Variants in CFAP95 observed in about 807,000 individuals in gnomAD.
CFAP95 encodes cilia and flagella associated protein 95, also known as cilia- and flagella-associated protein 95.
At chr9:69,820,943 G>C in the CFAP95 span, 6 of 1,613,862 alleles carry the variant, frequency 3.7e-6, no homozygotes, top group African/African-American at 1.3e-5. Flanking sequence ...GTTGGAGATC[G>C]GACCACCGGA....
the CFAP95 span, chr9:69,884,385 C>G: frequency 6.6e-6 from 1 of 152,234 alleles, no homozygotes; most frequent in Non-Finnish European, 1.5e-5. Context: ...TCCTCAGCTT[C>G]CTGAGTAGCT....
chr9:69,902,142 C>T, the CFAP95 span: 2 of 333,116 alleles, frequency 6.0e-6, no homozygotes, highest in Non-Finnish European at 1.2e-5. Flanking sequence ...CTATTCAGGT[C>T]AAAGGGACTT....
At chr9:69,865,851 A>G in the CFAP95 span, among the ~76,000 whole-genome samples, 2 of 152,200 alleles carry the variant, frequency 1.3e-5, no homozygotes, top group African/African-American at 4.8e-5. Flanking sequence ...CATGATGCTT[A>G]TTATGTACCA....
chr9:69,854,421 T>C, the CFAP95 span, among the ~76,000 whole-genome samples: 1 of 152,220 alleles, frequency 6.6e-6, no homozygotes, highest in African/African-American at 2.4e-5. Context: ...GAACCTAGTA[T>C]GATGCCTGGC....
chr9:69,840,745 A>G, the CFAP95 span, among the ~76,000 whole-genome samples: 1 of 152,296 alleles, frequency 6.6e-6, no homozygotes, highest in South Asian at 2.1e-4. Flanking sequence ...TTAAACATGT[A>G]TATTTCTCTC....
At chr9:69,826,255 C>T in the CFAP95 span, among the ~76,000 whole-genome samples, 1 of 152,128 alleles carries the variant, frequency 6.6e-6, no homozygotes, top group South Asian at 2.1e-4. Context: ...CAGAAGCACC[C>T]AGTTCCAAGA....
the CFAP95 span, among the ~76,000 whole-genome samples, chr9:69,857,094 G>A: frequency 1.3e-5 from 2 of 152,134 alleles, no homozygotes; most frequent in South Asian, 2.1e-4. Context: ...ACGAAATAAA[G>A]TATGAAGTGT....
At chr9:69,820,985 C>A in the CFAP95 span, 1 of 1,613,860 alleles carries the variant, frequency 6.2e-7, no homozygotes, top group African/African-American at 1.3e-5. Flanking sequence ...CCTGACCCTC[C>A]GCTCCCATCA....
At chr9:69,844,495 G>C in the CFAP95 span, 2 of 1,489,088 alleles carry the variant, frequency 1.3e-6, no homozygotes, top group Non-Finnish European at 1.8e-6. Flanking sequence ...ATCTCTTAAC[G>C]GACTCCTAAT....
the CFAP95 span, chr9:69,844,532 A>G: frequency 4.3e-5 from 69 of 1,598,780 alleles, no homozygotes; most frequent in Non-Finnish European, 5.0e-5. Context: ...GTGACAGAGA[A>G]GCTTTTCCCA....
chr9:69,885,338 AT>A, the CFAP95 span, among the ~76,000 whole-genome samples: 3 of 152,066 alleles, frequency 2.0e-5, no homozygotes, highest in Non-Finnish European at 4.4e-5. Context: ...TAAGAGAATA[AT>A]TTTTCCCCTA....
chr9:69,836,689 C>CA, the CFAP95 span, among the ~76,000 whole-genome samples: 2 of 126,876 alleles, frequency 1.6e-5, no homozygotes, highest in Non-Finnish European at 1.6e-5. Flanking sequence ...GCTTCAATTT[C>CA]TTTTTTTTTT....
chr9:69,902,242 A>G, the CFAP95 span: 1 of 424,630 alleles, frequency 2.4e-6, no homozygotes, highest in South Asian at 1.7e-5. Context: ...AATTCTCACA[A>G]TTCTCTTGAC....
the CFAP95 span, among the ~76,000 whole-genome samples, chr9:69,886,203 T>G: frequency 6.6e-6 from 1 of 152,136 alleles, no homozygotes; most frequent in Non-Finnish European, 1.5e-5. Flanking sequence ...CAAGTAACCC[T>G]TATTATACTT....
the CFAP95 span, among the ~76,000 whole-genome samples, chr9:69,849,212 A>G: frequency 2.0e-5 from 3 of 152,134 alleles, no homozygotes; most frequent in East Asian, 3.9e-4. Context: ...AGTTTGGTCT[A>G]TTTTGTTCCC....
chr9:69,823,018 G>C, the CFAP95 span, among the ~76,000 whole-genome samples: 2 of 152,138 alleles, frequency 1.3e-5, no homozygotes, highest in African/African-American at 4.8e-5. Flanking sequence ...AGCTGTATGA[G>C]TACATTTTCA....
the CFAP95 span, among the ~76,000 whole-genome samples, chr9:69,894,904 A>T: frequency 6.6e-6 from 1 of 152,074 alleles, no homozygotes; most frequent in African/African-American, 2.4e-5. Flanking sequence ...TCTACTAAAC[A>T]TACAAAAGAT....
chr9:69,843,549 CTCCTCCTCCTTCT>C, the CFAP95 span, among the ~76,000 whole-genome samples: 13 of 23,498 alleles, frequency 5.5e-4, no homozygotes, highest in South Asian at 3.3e-3. Flanking sequence ...CCTCCTCCTC[CTCCTCCTCCTTCT>C]TCTTCTTCTT....
chr9:69,897,827 G>T, the CFAP95 span, among the ~76,000 whole-genome samples: 1 of 151,694 alleles, frequency 6.6e-6, no homozygotes, highest in Non-Finnish European at 1.5e-5. Flanking sequence ...CATGAGGGAA[G>T]GTGGGTTGGG....
Sources: allele counts gnomAD v4.1 joint callset (sites outside exome capture counted in the v4.1 genomes callset), GRCh38; gene constraint gnomAD v4.1.1; transcripts MANE v1.5; gene names NCBI Gene and HGNC (gene_info 2026-07-23, HGNC 2026-07-21).